Variants in MTHFD1L observed in about 807,000 individuals in gnomAD.
MTHFD1L encodes the protein monofunctional C1-tetrahydrofolate synthase, mitochondrial.
Under a neutral mutation model 119.5 loss-of-function variants are expected in MTHFD1L, and 81 were observed. That is an observed-to-expected ratio of 0.68 (90% CI 0.57 to 0.82). The LOEUF (loss-of-function observed/expected upper bound fraction) is 0.82. Ranked by LOEUF, MTHFD1L falls within the 40% of genes least tolerant of loss-of-function variation. The pLI is 0.00. For synonymous variants in MTHFD1L, 430 were observed against 475.2 expected (o/e 0.90, Z 1.24); for missense variants, 1,125 against 1,253.4 (o/e 0.90, Z 1.55).
chr6:150,915,431 T>TA (rs1378749689), intron 8 of MTHFD1L, among the ~76,000 whole-genome samples: 1 of 152,144 alleles, frequency 6.6e-6, no homozygotes, highest in African/African-American at 2.4e-5. Context: ...TATCCACACT[T>TA]TTGCTAAGTT....
chr6:150,961,089 C>CTTTT (rs35978918), intron 18 of MTHFD1L, among the ~76,000 whole-genome samples: 6 of 113,402 alleles, frequency 5.3e-5, no homozygotes, highest in African/African-American at 9.8e-5. Context: ...TTCCTGTTAA[C>CTTTT]TTTTTTTTTT....
rs1423077439 is a variant in MTHFD1L at position 151,015,038 on chromosome 6, A to G, written c.2408+58A>G. On this transcript the variant is annotated intron_variant, in intron 23 of 27. Transcript: ENST00000367321. ...TTATCACTAGGCCACCCTGTGAACG[A>G]TATTTGTGTCTTGGGGTATTTGGTC... 7 of 1,386,786 alleles carry G rather than the reference A, an allele frequency of 5.0e-6. No individual in the cohort carries two copies. In the Admixed American group the frequency reaches 1.3e-4, roughly 25 times the overall value. The allele number at this position is 1,386,786 out of a possible 1,614,324, so 85.9% of individuals were successfully genotyped here.
intron 26 of MTHFD1L, among the ~76,000 whole-genome samples, chr6:151,047,026 A>T (rs929620331): frequency 6.6e-6 from 1 of 152,220 alleles, no homozygotes; most frequent in African/African-American, 2.4e-5. Context: ...TTACAGGCTT[A>T]ACTATGTATG....
chr6:151,044,605 A>G (rs370795916), intron 26 of MTHFD1L, among the ~76,000 whole-genome samples: 1 of 152,062 alleles, frequency 6.6e-6, no homozygotes. Flanking sequence ...CCGGCCAACT[A>G]CATGCTTTTT....
intron 18 of MTHFD1L, among the ~76,000 whole-genome samples, chr6:150,960,750 C>G (rs1456274361): frequency 6.6e-6 from 1 of 152,112 alleles, no homozygotes; most frequent in Non-Finnish European, 1.5e-5. Context: ...AAAAATGTAC[C>G]TTCTATGCCT....
At chr6:150,897,633 G>T (rs1012285036) in intron 7 of MTHFD1L, among the ~76,000 whole-genome samples, 1 of 152,180 alleles carries the variant, frequency 6.6e-6, no homozygotes, top group African/African-American at 2.4e-5. Flanking sequence ...AGGGGCCAGT[G>T]AAGTGTATAC....
intron 26 of MTHFD1L, among the ~76,000 whole-genome samples, chr6:151,047,659 A>T (rs1383402925): frequency 6.6e-6 from 1 of 152,190 alleles, no homozygotes; most frequent in Non-Finnish European, 1.5e-5. Context: ...TGTTTGACTC[A>T]TTCCAACCCC....
chr6:150,970,554 TA>T (rs1477216753), intron 19 of MTHFD1L, among the ~76,000 whole-genome samples: 4 of 152,226 alleles, frequency 2.6e-5, no homozygotes, highest in Non-Finnish European at 5.9e-5. Flanking sequence ...AGAACTCTGG[TA>T]AGCTAACAAT....
chr6:150,994,381 C>T (rs779554572), intron 20 of MTHFD1L, among the ~76,000 whole-genome samples: 1 of 152,176 alleles, frequency 6.6e-6, no homozygotes, highest in Non-Finnish European at 1.5e-5. Flanking sequence ...AGCTGCAAGA[C>T]AAGCGAAGAC....
chr6:150,943,752 A>G (rs887328442), intron 13 of MTHFD1L, among the ~76,000 whole-genome samples: 1 of 152,240 alleles, frequency 6.6e-6, no homozygotes, highest in Non-Finnish European at 1.5e-5. Context: ...AGTTTGTAGG[A>G]AGATGATTCT....
rs370642786 is a variant in MTHFD1L at position 151,092,526 on chromosome 6, C to T, written c.2907C>T (p.Thr969=). The T allele has an allele frequency of 2.4e-5, 38 of 1,613,962 alleles. No individual in the cohort carries two copies. Among genetic ancestry groups the T allele is most frequent in the Non-Finnish European group, 2.9e-5 (34 of 1,180,014 alleles). The change falls in exon 27 of 28, where the codon ACC becomes ACT. Residue 969 remains threonine (T), a synonymous_variant. Transcript: ENST00000367321. ...GCTTTTATGACATAGATCTTGATAC[C>T]GAAACAGAACAAGTTAAAGGCTTGT... ...RPCFYDIDLD[T]ETEQVKGLF
intron 16 of MTHFD1L, 116 bp downstream of exon 16, chr6:150,949,249 G>A (rs1170518892): frequency 2.7e-6 from 2 of 748,150 alleles, no homozygotes; most frequent in South Asian, 1.7e-5. Context: ...TTCCCAGCCT[G>A]TGCTTCATAT....
chr6:151,093,502 C>T (rs1427351507), intron 27 of MTHFD1L, among the ~76,000 whole-genome samples: 3 of 151,994 alleles, frequency 2.0e-5, no homozygotes, highest in South Asian at 4.2e-4. Context: ...ACTAAAAATA[C>T]GAAAATTAGC....
At chr6:151,026,198 A>G (rs1784584653) in intron 24 of MTHFD1L, among the ~76,000 whole-genome samples, 1 of 152,346 alleles carries the variant, frequency 6.6e-6, no homozygotes, top group South Asian at 2.1e-4. Flanking sequence ...CTCAGCTTCT[A>G]GGACCCTGGT....
At chr6:150,878,924 A>T (rs963391739) in intron 4 of MTHFD1L, among the ~76,000 whole-genome samples, 9 of 152,164 alleles carry the variant, frequency 5.9e-5, no homozygotes, top group Non-Finnish European at 1.2e-4. Context: ...GTCACCAAGA[A>T]GAAAAAGGAA....
chr6:151,072,740 G>C (rs1792074913), intron 26 of MTHFD1L, among the ~76,000 whole-genome samples: 1 of 152,110 alleles, frequency 6.6e-6, no homozygotes, highest in East Asian at 1.9e-4. Flanking sequence ...AGTGAACAGA[G>C]GTTGCAGTGA....
chr6:150,872,374 C>CT (rs1436829365), intron 1 of MTHFD1L, among the ~76,000 whole-genome samples: 1 of 152,118 alleles, frequency 6.6e-6, no homozygotes, highest in Non-Finnish European at 1.5e-5. Flanking sequence ...GAGAGACCTG[C>CT]AACTCTTCAC....
At chr6:150,983,139 T>C (rs1055186428) in intron 20 of MTHFD1L, among the ~76,000 whole-genome samples, 1 of 152,240 alleles carries the variant, frequency 6.6e-6, no homozygotes, top group African/African-American at 2.4e-5. Flanking sequence ...ACCTTTTTCT[T>C]ACTAATTAAT....
intron 26 of MTHFD1L, among the ~76,000 whole-genome samples, chr6:151,061,151 A>G (rs761008063): frequency 1.3e-5 from 2 of 152,192 alleles, no homozygotes; most frequent in Non-Finnish European, 2.9e-5. Flanking sequence ...GGCGGAAGAT[A>G]GTTGTGTTGG....
Sources: allele counts gnomAD v4.1 joint callset (sites outside exome capture counted in the v4.1 genomes callset), GRCh38; gene constraint gnomAD v4.1.1; transcripts MANE v1.5; gene names NCBI Gene and HGNC (gene_info 2026-07-23, HGNC 2026-07-21).